The following GSG1L variants were observed in gnomAD, a reference collection of about 807,000 sequenced individuals.
GSG1L encodes GSG1 like.
Under a neutral mutation model 42.1 loss-of-function variants are expected in GSG1L, and 24 were observed. The observed-to-expected ratio is 0.57, with a 90% CI of 0.41 to 0.80. The LOEUF (loss-of-function observed/expected upper bound fraction) is 0.80. GSG1L is among the 30% of genes least tolerant of loss of function. GSG1L has a pLI of 0.00. For missense variants in GSG1L, 445 were observed against 472.2 expected, an observed-to-expected ratio of 0.94 and a Z score of 0.53; for synonymous variants, 215 against 203.5, an observed-to-expected ratio of 1.06 and a Z score of -0.48.
intron 1 of GSG1L, among the ~76,000 whole-genome samples, chr16:28,056,244 A>C (rs1212064193): frequency 6.6e-6 from 1 of 152,210 alleles, no homozygotes; most frequent in East Asian, 1.9e-4. Context: ...TGATAGATTG[A>C]ATTAAGAAAA....
intron 5 of GSG1L, among the ~76,000 whole-genome samples, chr16:27,814,346 A>G (rs963927341): frequency 2.0e-5 from 3 of 152,148 alleles, no homozygotes; most frequent in Admixed American, 2.0e-4. Flanking sequence ...TCCTGGCTTC[A>G]AGTGATTCTC....
At chr16:28,019,283 C>T (rs1022940869) in intron 1 of GSG1L, among the ~76,000 whole-genome samples, 67 of 152,270 alleles carry the variant, frequency 4.4e-4, no homozygotes, top group African/African-American at 1.6e-3. Context: ...AAGATGGCCA[C>T]GAAAGTGACC....
intron 2 of GSG1L, among the ~76,000 whole-genome samples, chr16:27,937,773 T>G (rs1429782997): frequency 6.6e-6 from 1 of 152,140 alleles, no homozygotes; most frequent in Non-Finnish European, 1.5e-5. Context: ...CCAAAGGAAG[T>G]TCTGAGAGGC....
At chr16:27,949,439 C>T (rs1270704111) in intron 2 of GSG1L, among the ~76,000 whole-genome samples, 2 of 152,164 alleles carry the variant, frequency 1.3e-5, no homozygotes, top group Non-Finnish European at 2.9e-5. Flanking sequence ...AACAGCCCTT[C>T]GTTGAAAGAT....
intron 4 of GSG1L, among the ~76,000 whole-genome samples, chr16:27,830,431 C>A (rs542766863): frequency 3.0e-4 from 46 of 152,230 alleles, no homozygotes; most frequent in African/African-American, 9.6e-4. Flanking sequence ...CCCCTGAGCA[C>A]CCCAGAAGGA....
chr16:27,847,244 C>T (rs1164645285), intron 3 of GSG1L, among the ~76,000 whole-genome samples: 1 of 152,196 alleles, frequency 6.6e-6, no homozygotes, highest in Non-Finnish European at 1.5e-5. Flanking sequence ...AATCTCCCAA[C>T]TCCTGAAACT....
chr16:27,831,474 G>A (rs1338831182), intron 4 of GSG1L, among the ~76,000 whole-genome samples: 1 of 152,134 alleles, frequency 6.6e-6, no homozygotes, highest in Non-Finnish European at 1.5e-5. Context: ...AGTCTTTATA[G>A]CCAAGGATCT....
At chr16:27,857,702 T>G (rs1031890477) in intron 3 of GSG1L, among the ~76,000 whole-genome samples, 1 of 152,154 alleles carries the variant, frequency 6.6e-6, no homozygotes, top group Non-Finnish European at 1.5e-5. Flanking sequence ...TCCCCCTCCC[T>G]GAGACTTCTT....
chr16:28,034,128 C>G (rs1256259921), intron 1 of GSG1L, among the ~76,000 whole-genome samples: 1 of 151,754 alleles, frequency 6.6e-6, no homozygotes, highest in African/African-American at 2.4e-5. Context: ...ACATCCCATC[C>G]CATCCCATCC....
At chr16:27,965,561 C>T (rs917424392) in intron 1 of GSG1L, among the ~76,000 whole-genome samples, 1 of 152,226 alleles carries the variant, frequency 6.6e-6, no homozygotes, top group Admixed American at 6.5e-5. Flanking sequence ...TTTCCCCCAG[C>T]AAGCTGCAAG....
chr16:27,979,100 C>G (rs2085284374), intron 1 of GSG1L, among the ~76,000 whole-genome samples: 1 of 152,056 alleles, frequency 6.6e-6, no homozygotes, highest in Admixed American at 6.6e-5. Context: ...CTCTCTAAGC[C>G]CTTTCCTTGC....
At chr16:27,825,403 G>A (rs370120379) in intron 5 of GSG1L, among the ~76,000 whole-genome samples, 41 of 152,340 alleles carry the variant, frequency 2.7e-4, no homozygotes, top group African/African-American at 9.9e-4. Context: ...AGGCATACTG[G>A]CTCATGCCTG....
intron 2 of GSG1L, among the ~76,000 whole-genome samples, chr16:27,933,627 T>G: frequency 8.4e-6 from 1 of 119,526 alleles, no homozygotes; most frequent in African/African-American, 3.3e-5. Context: ...CCAGCCTGGG[T>G]GACAGAGCAA....
At chr16:27,940,342 C>T (rs1482465953) in intron 2 of GSG1L, among the ~76,000 whole-genome samples, 6 of 147,556 alleles carry the variant, frequency 4.1e-5, no homozygotes, top group Admixed American at 1.4e-4. Flanking sequence ...ACCCAGCCAT[C>T]CCATTACTGG....
At chr16:27,792,276 A>T (rs1336006292) in intron 6 of GSG1L, among the ~76,000 whole-genome samples, 1 of 152,096 alleles carries the variant, frequency 6.6e-6, no homozygotes, top group Non-Finnish European at 1.5e-5. Context: ...GACCCCAGAA[A>T]CTGTGTGTGT....
chr16:28,049,643 C>T (rs205404), intron 1 of GSG1L, among the ~76,000 whole-genome samples: 27,602 of 151,278 alleles, frequency 0.18, 3,150 homozygotes, highest in South Asian at 0.44. Context: ...GCTGTGATTG[C>T]ACCACTGCAC....
intron 3 of GSG1L, among the ~76,000 whole-genome samples, chr16:27,847,884 A>C (rs1240426234): frequency 6.6e-6 from 1 of 152,166 alleles, no homozygotes; most frequent in Non-Finnish European, 1.5e-5. Flanking sequence ...CTTCCTCTAC[A>C]GCCTGCAGAA....
At chr16:27,833,717 T>C (rs1390306665) in intron 4 of GSG1L, among the ~76,000 whole-genome samples, 1 of 152,122 alleles carries the variant, frequency 6.6e-6, no homozygotes, top group Admixed American at 6.5e-5. Flanking sequence ...AAATGATATA[T>C]ATTTTTAATT....
chr16:27,803,780 T>TAGATAG (rs1357467124), intron 6 of GSG1L, among the ~76,000 whole-genome samples: 3 of 83,126 alleles, frequency 3.6e-5, no homozygotes, highest in African/African-American at 1.5e-4. Flanking sequence ...TATATATATA[T>TAGATAG]ATATATATAT....
Sources: allele counts gnomAD v4.1 joint callset (sites outside exome capture counted in the v4.1 genomes callset), GRCh38; gene constraint gnomAD v4.1.1; transcripts MANE v1.5; gene names NCBI Gene and HGNC (gene_info 2026-07-23, HGNC 2026-07-21).